CLMP: variants seen among roughly 807,000 people sequenced by gnomAD.
CLMP encodes CXADR-like membrane protein.
A neutral mutation model predicts 45.2 loss-of-function variants in CLMP; 27 were observed. The ratio of observed to expected loss-of-function variants is 0.60; its 90% CI spans 0.44 to 0.82. The LOEUF (loss-of-function observed/expected upper bound fraction) is 0.82. Among genes scored for constraint, CLMP ranks in the 40% least tolerant of loss-of-function variants. The pLI is 0.00. For synonymous variants in CLMP, 167 were observed against 171.4 expected (o/e 0.97, Z 0.20); for missense variants, 403 against 448.4 (o/e 0.90, Z 0.91).
At chr11:123,187,015 AAT>A (rs1462453041) in intron 1 of CLMP, among the ~76,000 whole-genome samples, 3 of 152,166 alleles carry the variant, frequency 2.0e-5, no homozygotes, top group African/African-American at 4.8e-5. Flanking sequence ...AACTCATGAT[AAT>A]AACAACAGAC....
intron 1 of CLMP, among the ~76,000 whole-genome samples, chr11:123,121,364 C>T (rs973135947): frequency 1.6e-4 from 25 of 152,196 alleles, no homozygotes; most frequent in African/African-American, 5.1e-4. Flanking sequence ...GTGGCACAAT[C>T]TCGGGTCACT....
At chr11:123,182,174 C>T (rs571615367) in intron 1 of CLMP, among the ~76,000 whole-genome samples, 1 of 152,350 alleles carries the variant, frequency 6.6e-6, no homozygotes, top group South Asian at 2.1e-4. Flanking sequence ...CAGGATGACA[C>T]ACAGCACCGA....
At chr11:123,160,941 G>A (rs1861479399) in intron 1 of CLMP, among the ~76,000 whole-genome samples, 1 of 149,148 alleles carries the variant, frequency 6.7e-6, no homozygotes, top group African/African-American at 2.5e-5. Context: ...TCACACCACT[G>A]CACTCCAGCC....
At chr11:123,093,457 C>T (rs1865955968) in intron 2 of CLMP, among the ~76,000 whole-genome samples, 1 of 152,102 alleles carries the variant, frequency 6.6e-6, no homozygotes, top group Non-Finnish European at 1.5e-5. Flanking sequence ...AGCAATTCTC[C>T]TGCCTCAGTC....
intron 1 of CLMP, among the ~76,000 whole-genome samples, chr11:123,118,991 TTCTTTCTTTCTCTC>T (rs1565387890): frequency 4.2e-4 from 11 of 26,004 alleles, no homozygotes; most frequent in African/African-American, 6.7e-4. Context: ...CTTTCTTTCT[TTCTTTCTTTCTCTC>T]TCTCTCTCTC....
In CLMP at chr11:123,084,727, C is replaced by G; in HGVS notation, c.187-14G>C. The G allele has an allele frequency of 6.2e-7, 1 of 1,611,530 alleles. No homozygotes were observed. Among genetic ancestry groups the G allele is most frequent in the Non-Finnish European group, 8.5e-7 (1 of 1,177,994 alleles). ...GTAAGTGATCACCTGTGGGATAGAC[C>G]GAGGCAGAGTCAAGCAGCGTAACTC... On this transcript the variant is annotated splice_polypyrimidine_tract_variant and intron_variant, in intron 2 of 6. Transcript: ENST00000448775.
chr11:123,166,251 G>A (rs1449575374), intron 1 of CLMP, among the ~76,000 whole-genome samples: 5 of 151,978 alleles, frequency 3.3e-5, no homozygotes, highest in Non-Finnish European at 5.9e-5. Context: ...AGTTACTGTG[G>A]GCATCCCTAC....
At chr11:123,189,385 G>T (rs1226616975) in intron 1 of CLMP, among the ~76,000 whole-genome samples, 1 of 152,224 alleles carries the variant, frequency 6.6e-6, no homozygotes, top group African/African-American at 2.4e-5. Context: ...TCTAGAGAAA[G>T]AAGCTCACTT....
At chr11:123,111,453 A>G (rs1591462537) in intron 1 of CLMP, among the ~76,000 whole-genome samples, 1 of 152,168 alleles carries the variant, frequency 6.6e-6, no homozygotes, top group Admixed American at 6.6e-5. Flanking sequence ...CATTATTAAC[A>G]TGACTTTTCA....
At chr11:123,150,201 AAC>A (rs113858165) in intron 1 of CLMP, among the ~76,000 whole-genome samples, 36,055 of 141,764 alleles carry the variant, frequency 0.25, 4,454 homozygotes, top group East Asian at 0.36. Flanking sequence ...ACACACACTA[AAC>A]ACACACACAC....
rs768721187 is a variant in CLMP, at chr11:123,083,834, C to G, written c.402G>C (p.Lys134Asn). 8 of 1,613,008 alleles carry G rather than the reference C, an allele frequency of 5.0e-6. No homozygotes were observed. The highest frequency in any genetic ancestry group is 1.7e-5 in the Admixed American group (1 of 59,970). Residue 134 changes from lysine (K) to asparagine (N), a missense_variant, in exon 4 of 7, where the codon AAG becomes AAC. Transcript: ENST00000448775. Reference sequence around the variant, plus strand: ...GCTCTCCTTCCAACTCACACTTGGGCTTGGATGGTCTCACTGGCAACAGCA... The same window carrying G: ...GCTCTCCTTCCAACTCACACTTGGGGTTGGATGGTCTCACTGGCAACAGCA... ...VILKVLVRPS[K>N]PKCELEGELT... is the part of the protein sequence containing the mutation.
At chr11:123,118,973 CTTTCT>C in intron 1 of CLMP, among the ~76,000 whole-genome samples, 1 of 47,762 alleles carries the variant, frequency 2.1e-5, no homozygotes, top group East Asian at 5.4e-4. Flanking sequence ...TTCTTTCTTT[CTTTCT>C]TTCTTTCTTT....
chr11:123,106,143 C>CTTTTTT (rs113019577), intron 1 of CLMP, among the ~76,000 whole-genome samples: 1 of 151,310 alleles, frequency 6.6e-6, no homozygotes. Context: ...TGATTTTATT[C>CTTTTTT]TATTTTTTTT....
intron 1 of CLMP, among the ~76,000 whole-genome samples, chr11:123,127,775 G>A (rs1444834039): frequency 1.3e-5 from 2 of 152,138 alleles, no homozygotes; most frequent in South Asian, 2.1e-4. Flanking sequence ...GGTGGCTCAC[G>A]CCTGTAATTC....
At chr11:123,097,308 G>C (rs566232401) in intron 2 of CLMP, among the ~76,000 whole-genome samples, 2 of 152,170 alleles carry the variant, frequency 1.3e-5, no homozygotes, top group Admixed American at 1.3e-4. Flanking sequence ...TGACACTACA[G>C]ATATGTGCCA....
chr11:123,166,941 TA>T (rs560529896), intron 1 of CLMP, among the ~76,000 whole-genome samples: 46 of 146,138 alleles, frequency 3.1e-4, no homozygotes, highest in South Asian at 4.3e-4. Context: ...AAAATAAAAC[TA>T]AAAAAAAAAA....
chr11:123,118,548 C>T (rs561025965), intron 1 of CLMP, among the ~76,000 whole-genome samples: 3 of 152,318 alleles, frequency 2.0e-5, no homozygotes, highest in Admixed American at 6.5e-5. Context: ...CTGCCAGAGA[C>T]AGATCAGGGC....
At chr11:123,151,777 C>A (rs1861340134) in intron 1 of CLMP, among the ~76,000 whole-genome samples, 1 of 152,146 alleles carries the variant, frequency 6.6e-6, no homozygotes, top group African/African-American at 2.4e-5. Context: ...CTTCCAGGGG[C>A]CTTTTTGCTT....
At chr11:123,185,081 G>C (rs540791016) in intron 1 of CLMP, among the ~76,000 whole-genome samples, 73 of 152,308 alleles carry the variant, frequency 4.8e-4, no homozygotes, top group African/African-American at 1.7e-3. Context: ...GGTCAGGGTA[G>C]AAGTGGTGAA....
Sources: allele counts gnomAD v4.1 joint callset (sites outside exome capture counted in the v4.1 genomes callset), GRCh38; gene constraint gnomAD v4.1.1; transcripts MANE v1.5; gene names NCBI Gene and HGNC (gene_info 2026-07-23, HGNC 2026-07-21).